Variants in SNX24 observed in about 807,000 individuals in gnomAD.
The protein encoded by SNX24 is sorting nexin-24.
A neutral mutation model predicts 28.7 loss-of-function variants in SNX24; 22 were observed. The ratio of observed to expected loss-of-function variants is 0.77; its 90% CI spans 0.55 to 1.10. The LOEUF is 1.10. Among genes scored for constraint, SNX24 ranks in the 50% least tolerant of loss-of-function variants. The pLI, the probability that SNX24 is intolerant of heterozygous loss-of-function variation, is 0.00. For synonymous variants in SNX24, 69 were observed against 71.5 expected (o/e 0.96, Z 0.18); for missense variants, 221 against 201.1 (o/e 1.10, Z -0.60).
intron 1 of SNX24, among the ~76,000 whole-genome samples, chr5:122,874,286 T>C (rs1013299894): frequency 6.6e-6 from 1 of 152,234 alleles, no homozygotes; most frequent in South Asian, 2.1e-4. Flanking sequence ...AAATAATGCA[T>C]GTGAAATGCC....
intron 1 of SNX24, among the ~76,000 whole-genome samples, chr5:122,897,426 T>C (rs949631178): frequency 5.3e-5 from 8 of 152,182 alleles, no homozygotes; most frequent in African/African-American, 1.4e-4. Flanking sequence ...TGAAAATACT[T>C]ATTTTGGATG....
intron 1 of SNX24, among the ~76,000 whole-genome samples, chr5:122,860,729 TG>T (rs1482403613): frequency 6.6e-6 from 1 of 152,080 alleles, no homozygotes; most frequent in Non-Finnish European, 1.5e-5. Context: ...CCCTAGTAGC[TG>T]GGACTACAGG....
At chr5:122,984,821 C>T (rs1346098617) in intron 3 of SNX24, among the ~76,000 whole-genome samples, 2 of 152,082 alleles carry the variant, frequency 1.3e-5, no homozygotes, top group African/African-American at 4.8e-5. Context: ...GTTTTTAGCA[C>T]TTATTAGGAT....
chr5:122,972,378 T>C (rs1760993790), intron 3 of SNX24, among the ~76,000 whole-genome samples: 1 of 152,172 alleles, frequency 6.6e-6, no homozygotes, highest in Non-Finnish European at 1.5e-5. Context: ...GAATCCTGGC[T>C]ATGAGAGAAG....
chr5:123,014,623 CT>C (rs1333261249), intron 5 of SNX24, among the ~76,000 whole-genome samples: 1 of 152,092 alleles, frequency 6.6e-6, no homozygotes, highest in Non-Finnish European at 1.5e-5. Context: ...TCCCAGGGCT[CT>C]TTGATTTCAT....
chr5:122,845,864 G>A (rs1199541724), intron 1 of SNX24, among the ~76,000 whole-genome samples, 171 bp downstream of exon 1: 2 of 151,858 alleles, frequency 1.3e-5, no homozygotes, highest in Admixed American at 1.3e-4. Context: ...CAAGGAAACG[G>A]GCGCCCCTCC....
At chr5:122,879,695 G>A (rs140956559) in intron 1 of SNX24, among the ~76,000 whole-genome samples, 104 of 151,516 alleles carry the variant, frequency 6.9e-4, no homozygotes, top group Middle Eastern at 6.8e-3. Flanking sequence ...ATGTATGTAT[G>A]TATTTAATAG....
At chr5:122,978,997 A>T (rs1216826158) in intron 3 of SNX24, among the ~76,000 whole-genome samples, 1 of 152,214 alleles carries the variant, frequency 6.6e-6, no homozygotes, top group Non-Finnish European at 1.5e-5. Context: ...ATTTAATTCA[A>T]TGAGAATGTA....
downstream of SNX24, among the ~76,000 whole-genome samples, chr5:123,011,026 C>T (rs1280190080): frequency 2.6e-5 from 4 of 152,150 alleles, no homozygotes; most frequent in East Asian, 7.7e-4. Flanking sequence ...TATTGCTCTA[C>T]AGGTTGTGCA....
chr5:122,917,727 A>G (rs919308844), intron 1 of SNX24, among the ~76,000 whole-genome samples: 2 of 152,218 alleles, frequency 1.3e-5, no homozygotes, highest in African/African-American at 4.8e-5. Context: ...TAAATGTAAG[A>G]TAGAATTATA....
chr5:122,907,907 A>G (rs200214097), intron 1 of SNX24, among the ~76,000 whole-genome samples: 1 of 148,912 alleles, frequency 6.7e-6, no homozygotes. Flanking sequence ...TTTTTTTTTA[A>G]TTTTCTTTTA....
At position 122,918,067 on chromosome 5, in the gene SNX24, G is replaced by C. The variant is rs920108636; in HGVS notation, c.61-18667G>C. Reference sequence around the variant, plus strand: ...TGCACTCCAGCCTGGGCGACAGAGCGAGACTCCATCTCAAAAATAATAATA... The same window carrying C: ...TGCACTCCAGCCTGGGCGACAGAGCCAGACTCCATCTCAAAAATAATAATA... On this transcript the variant is annotated intron_variant, in intron 1 of 6. Coordinates refer to ENST00000261369, the MANE Select transcript of SNX24 (RefSeq NM_014035.4). Among the ~76,000 whole-genome samples the C allele has an allele frequency of 3.9e-5, 6 of 152,184 alleles. No individual in the cohort carries two copies. The East Asian group carries it at 5.8e-4, about 15-fold the overall frequency.
chr5:122,896,046 G>C (rs1230395429), intron 1 of SNX24, among the ~76,000 whole-genome samples: 2 of 152,198 alleles, frequency 1.3e-5, no homozygotes, highest in African/African-American at 4.8e-5. Context: ...CTACTCGAGA[G>C]GCTGAGGTGG....
intron 1 of SNX24, among the ~76,000 whole-genome samples, chr5:122,933,729 T>C (rs1181386005): frequency 1.3e-5 from 2 of 152,204 alleles, no homozygotes; most frequent in Non-Finnish European, 2.9e-5. Flanking sequence ...TGGGGTTTTT[T>C]TGTTGTTTGT....
chr5:122,972,736 A>G (rs1252274484), intron 3 of SNX24, among the ~76,000 whole-genome samples: 1 of 152,190 alleles, frequency 6.6e-6, no homozygotes. Flanking sequence ...ATCTGGAGTA[A>G]GTGTCTGTTC....
chr5:123,008,023 G>A lies in SNX24; in HGVS notation c.*274G>A, dbSNP rs539722948. Reference sequence around the variant, plus strand: ...GAAACCCATGAAAAGGAGGCCACAGGAGATTCCTGGGAGCACTGGGTGTAG... The same window carrying A: ...GAAACCCATGAAAAGGAGGCCACAGAAGATTCCTGGGAGCACTGGGTGTAG... On this transcript the variant is annotated 3_prime_UTR_variant, in exon 7 of 7. Transcript: ENST00000261369. 704 of 1,125,718 alleles carry A rather than the reference G, an allele frequency of 6.3e-4. 1 individual carries two copies. Among genetic ancestry groups the A allele is most frequent in the South Asian group, 7.4e-4 (27 of 36,520 alleles). The allele number at this position is 1,125,718 out of a possible 1,614,324, so 69.7% of individuals were successfully genotyped here. A position where few individuals can be genotyped will look rare whatever the true frequency, so the allele number is the denominator to read the frequency against.
At chr5:122,999,610 A>ACC in intron 3 of SNX24, among the ~76,000 whole-genome samples, 1 of 152,322 alleles carries the variant, frequency 6.6e-6, no homozygotes, top group South Asian at 2.1e-4. Context: ...TGAAGGCAAG[A>ACC]ACCATTTCTA....
At chr5:122,890,936 A>G in intron 1 of SNX24, 1 of 1,223,648 alleles carries the variant, frequency 8.2e-7, no homozygotes, top group Non-Finnish European at 1.0e-6. Context: ...TCCCTTCAAG[A>G]TTTTTCTGCA....
chr5:122,884,475 T>G (rs992340719), intron 1 of SNX24, among the ~76,000 whole-genome samples: 2 of 151,974 alleles, frequency 1.3e-5, no homozygotes, highest in African/African-American at 4.8e-5. Flanking sequence ...GCTCTTGAAC[T>G]CCTGGTCTCA....
Sources: allele counts gnomAD v4.1 joint callset (sites outside exome capture counted in the v4.1 genomes callset), GRCh38; gene constraint gnomAD v4.1.1; transcripts MANE v1.5; gene names NCBI Gene and HGNC (gene_info 2026-07-23, HGNC 2026-07-21).